Variants in CPNE4 observed in about 807,000 individuals in gnomAD.
CPNE4 encodes copine 4.
A neutral mutation model predicts 67.9 loss-of-function variants in CPNE4; 25 were observed. That is an observed-to-expected ratio of 0.37 (90% CI 0.27 to 0.51). The LOEUF (loss-of-function observed/expected upper bound fraction) is 0.51. Ranked by LOEUF, CPNE4 falls within the 20% of genes least tolerant of loss-of-function variation. The probability of loss-of-function intolerance (pLI) is 0.93; values close to 1 mark genes in which losing one functional copy is unlikely to be tolerated. For synonymous variants in CPNE4, 242 were observed against 244.9 expected, an observed-to-expected ratio of 0.99 and a Z score of 0.11; for missense variants, 464 against 690.8, an observed-to-expected ratio of 0.67 and a Z score of 3.68.
chr3:132,018,224 A>G (rs2073926469), intron 1 of CPNE4, among the ~76,000 whole-genome samples: 1 of 152,204 alleles, frequency 6.6e-6, no homozygotes, highest in Non-Finnish European at 1.5e-5. Context: ...GGAGTTCTTG[A>G]TGGGAAAAGA....
chr3:131,858,141 G>A (rs1263240613), intron 2 of CPNE4, among the ~76,000 whole-genome samples: 4 of 152,002 alleles, frequency 2.6e-5, no homozygotes, highest in African/African-American at 9.7e-5. Flanking sequence ...AAAGCCAAGA[G>A]AATTAAAGCT....
At chr3:131,675,457 C>A (rs1182696693) in intron 6 of CPNE4, among the ~76,000 whole-genome samples, 1 of 152,084 alleles carries the variant, frequency 6.6e-6, no homozygotes, top group African/African-American at 2.4e-5. Context: ...CTCTCCTTAG[C>A]TCTAATAATA....
intron 1 of CPNE4, among the ~76,000 whole-genome samples, chr3:131,997,454 C>T (rs1347679765): frequency 6.6e-6 from 1 of 152,118 alleles, no homozygotes; most frequent in South Asian, 2.1e-4. Context: ...AGTCCTGGCT[C>T]TGCTATCTGG....
chr3:131,792,702 C>CACACGTGTATATATGTATATAT (rs2083790713), intron 2 of CPNE4, among the ~76,000 whole-genome samples: 3 of 34,610 alleles, frequency 8.7e-5, no homozygotes, highest in East Asian at 1.1e-3. Flanking sequence ...TATACATATA[C>CACACGTGTATATATGTATATAT]ACACACGTGT....
In CPNE4 at chr3:131,990,978, C is replaced by T. The variant is rs2073162368; in HGVS notation, c.-2+43589G>A. On this transcript the variant is annotated intron_variant, in intron 1 of 15. Transcript: ENST00000429747. ...TGTTCAGCACTTCTCCTTTCTGCTGCCACGTGAAGAAAAATATGTTTGCTT... is the reference window on the plus strand; with the variant it reads ...TGTTCAGCACTTCTCCTTTCTGCTGTCACGTGAAGAAAAATATGTTTGCTT... Among the ~76,000 whole-genome samples, 4 of 136,182 alleles carry T rather than the reference C, an allele frequency of 2.9e-5. 2 individuals are homozygous for T. In the South Asian group the frequency reaches 1.0e-3, roughly 35 times the overall value. 89.3% of individuals were successfully genotyped at this position (136,182 alleles called of 152,430 possible).
chr3:131,831,371 G>C (rs186256553), intron 2 of CPNE4, among the ~76,000 whole-genome samples: 68 of 152,114 alleles, frequency 4.5e-4, no homozygotes, highest in Non-Finnish European at 7.9e-4. Context: ...CTTATATTTA[G>C]ATGCTGTTTT....
chr3:131,725,389 C>A (rs1376097621), intron 2 of CPNE4, among the ~76,000 whole-genome samples: 1 of 152,178 alleles, frequency 6.6e-6, no homozygotes. Flanking sequence ...ATTATGTCCC[C>A]ATCCAATAAA....
At chr3:131,797,963 A>G (rs1223186844) in intron 2 of CPNE4, among the ~76,000 whole-genome samples, 1 of 152,156 alleles carries the variant, frequency 6.6e-6, no homozygotes, top group African/African-American at 2.4e-5. Flanking sequence ...GTTCCCAGTG[A>G]GGGTTCTCTT....
chr3:131,738,766 AT>A (rs1423935932), intron 2 of CPNE4, among the ~76,000 whole-genome samples: 1 of 152,192 alleles, frequency 6.6e-6, no homozygotes, highest in Non-Finnish European at 1.5e-5. Context: ...GCTTAATCAA[AT>A]GTGAGATCAT....
chr3:131,666,075 A>C (rs943181433), intron 7 of CPNE4, among the ~76,000 whole-genome samples: 2 of 152,188 alleles, frequency 1.3e-5, no homozygotes, highest in African/African-American at 4.8e-5. Flanking sequence ...TAAGAAGGCA[A>C]GGAATACGGA....
intron 5 of CPNE4, among the ~76,000 whole-genome samples, chr3:131,692,958 G>A (rs1236353177): frequency 1.3e-5 from 2 of 152,110 alleles, no homozygotes; most frequent in African/African-American, 2.4e-5. Flanking sequence ...ATTAATTGCC[G>A]ACTAGTTGCT....
At chr3:131,853,777 T>C (rs1045715258) in intron 2 of CPNE4, among the ~76,000 whole-genome samples, 2 of 151,834 alleles carry the variant, frequency 1.3e-5, no homozygotes, top group East Asian at 1.9e-4. Flanking sequence ...TAGTAACCGA[T>C]AAGTACATAA....
intron 1 of CPNE4, among the ~76,000 whole-genome samples, chr3:131,914,900 C>A (rs764631496): frequency 5.9e-5 from 9 of 152,144 alleles, no homozygotes; most frequent in Non-Finnish European, 1.3e-4. Flanking sequence ...CGCTTGAACC[C>A]AGGAGGCGGA....
chr3:131,996,632 G>A (rs987865280), intron 1 of CPNE4, among the ~76,000 whole-genome samples: 1 of 151,906 alleles, frequency 6.6e-6, no homozygotes, highest in African/African-American at 2.4e-5. Flanking sequence ...ATATCATCTA[G>A]TTGCAAAGTC....
intron 1 of CPNE4, among the ~76,000 whole-genome samples, chr3:132,012,608 C>T (rs1247162827): frequency 6.6e-6 from 1 of 152,102 alleles, no homozygotes; most frequent in African/African-American, 2.4e-5. Context: ...CACCAAGAGG[C>T]TCCTGGGCAA....
At chr3:131,802,680 C>T (rs2084174557) in intron 2 of CPNE4, among the ~76,000 whole-genome samples, 1 of 152,148 alleles carries the variant, frequency 6.6e-6, no homozygotes, top group African/African-American at 2.4e-5. Context: ...TAAGCTGAGA[C>T]CCTTAGCATC....
chr3:131,536,794 G>A (rs1188351069), intron 15 of CPNE4, among the ~76,000 whole-genome samples: 1 of 152,204 alleles, frequency 6.6e-6, no homozygotes, highest in South Asian at 2.1e-4. Flanking sequence ...AGGGTTGTGT[G>A]TTAGACCATG....
intron 8 of CPNE4, 40 bp from the exon 9 acceptor site, chr3:131,581,705 A>G: frequency 2.7e-6 from 4 of 1,465,490 alleles, no homozygotes; most frequent in Non-Finnish European, 3.8e-6. Context: ...GTTCAGGAAA[A>G]AGCTGAGTCT....
chr3:131,878,781 C>T (rs9289402), intron 2 of CPNE4, among the ~76,000 whole-genome samples: 95,568 of 151,176 alleles, frequency 0.63, 30,371 homozygotes, highest in Admixed American at 0.72. Flanking sequence ...ATGGGGTATG[C>T]GCTTATCTCT....
Sources: allele counts gnomAD v4.1 joint callset (sites outside exome capture counted in the v4.1 genomes callset), GRCh38; gene constraint gnomAD v4.1.1; transcripts MANE v1.5; gene names NCBI Gene and HGNC (gene_info 2026-07-23, HGNC 2026-07-21).